FANCI: variants seen among roughly 807,000 people sequenced by gnomAD.
The protein encoded by FANCI is FA complementation group I.
A neutral mutation model predicts 176.1 loss-of-function variants in FANCI; 156 were observed. That is an observed-to-expected ratio of 0.89 (90% confidence interval 0.78 to 1.01). FANCI has a LOEUF of 1.01. Among genes scored for constraint, FANCI ranks in the 50% least tolerant of loss-of-function variants. The probability of loss-of-function intolerance (pLI) is 0.00; values close to 1 mark genes in which losing one functional copy is unlikely to be tolerated. For synonymous variants in FANCI, 613 were observed against 541.7 expected, an observed-to-expected ratio of 1.13 and a Z score of -1.83; for missense variants, 1,678 against 1,534.1, an observed-to-expected ratio of 1.09 and a Z score of -1.57.
intron 2 of FANCI, among the ~76,000 whole-genome samples, chr15:89,253,682 A>C (rs1015845282): frequency 1.3e-5 from 2 of 151,658 alleles, no homozygotes; most frequent in African/African-American, 2.4e-5. Flanking sequence ...TTGTGTGGCC[A>C]GAAATACCAT....
intron 24 of FANCI, among the ~76,000 whole-genome samples, chr15:89,299,314 A>C (rs1223159733): frequency 6.6e-6 from 1 of 152,232 alleles, no homozygotes; most frequent in Non-Finnish European, 1.5e-5. Flanking sequence ...AAATTCATCC[A>C]AACATTTAAG....
chr15:89,256,652 C>G (rs1438271529), intron 2 of FANCI, among the ~76,000 whole-genome samples: 1 of 152,128 alleles, frequency 6.6e-6, no homozygotes, highest in African/African-American at 2.4e-5. Flanking sequence ...TCATCTGTTT[C>G]CATTGATGCT....
At chr15:89,281,423 T>C (rs1379424909) in intron 15 of FANCI, 123 bp downstream of exon 15, 74 of 1,281,596 alleles carry the variant, frequency 5.8e-5, no homozygotes, top group Non-Finnish European at 3.6e-5. Context: ...GTCTGAAACA[T>C]AAAATTTGCA....
intron 32 of FANCI, 45 bp from the exon 33 acceptor site, chr15:89,307,431 G>GT: frequency 6.3e-7 from 1 of 1,581,104 alleles, no homozygotes; most frequent in Non-Finnish European, 8.7e-7. Context: ...GTCACTTGTA[G>GT]TTTCATAGGA....
Position 89,307,643 on chromosome 15 carries a change from CTG to C in FANCI, c.3626_3627del (p.Cys1209LeufsTer10), listed in dbSNP as rs770318990. On this transcript the variant is annotated frameshift_variant, in exon 34 of 38. Transcript: ENST00000310775. LOFTEE classifies it high-confidence loss of function. Reference protein sequence around the residue: ...VKLSGSHLTPLCYSFISYVQN... With the variant: ...VKLSGSHLTPXCYSFISYVQN... ...GCTGTCTGGTTCTCATCTGACCCCC[CTG>C]TGTTATTCTTTCATTTCTTACGTAC... The C allele has an allele frequency of 2.5e-6, 4 of 1,613,980 alleles. No homozygotes were observed. In the African/African-American group the frequency reaches 4.0e-5, roughly 16 times the overall value.
intron 34 of FANCI, among the ~76,000 whole-genome samples, chr15:89,309,910 T>G (rs549443884): frequency 6.6e-6 from 1 of 152,362 alleles, no homozygotes; most frequent in South Asian, 2.1e-4. Flanking sequence ...AGTCACATTG[T>G]CTAATAATTT....
intron 22 of FANCI, 74 bp from the exon 23 acceptor site, chr15:89,293,759 T>C: frequency 3.0e-6 from 4 of 1,355,240 alleles, no homozygotes; most frequent in Non-Finnish European, 4.2e-6. Context: ...AGCATTGTGA[T>C]TATTATCATA....
At chr15:89,245,358 T>G (rs2051914342) in intron 1 of FANCI, 8 of 126,708 alleles carry the variant, frequency 6.3e-5, no homozygotes, top group African/African-American at 2.7e-4. Context: ...TTTTTTTTTT[T>G]TTTTTTTTTT....
chr15:89,273,581 C>A (rs2053290214), intron 11 of FANCI, 112 bp downstream of exon 11: 2 of 699,042 alleles, frequency 2.9e-6, no homozygotes, highest in Non-Finnish European at 5.1e-6. Flanking sequence ...ACAATTTTAT[C>A]CCCTTCCTGC....
At chr15:89,282,092 G>A (rs757919411) in intron 16 of FANCI, 40 of 452,540 alleles carry the variant, frequency 8.8e-5, no homozygotes, top group Non-Finnish European at 1.5e-4. Flanking sequence ...TAGAGAAGAT[G>A]AGTGACTTTC....
intron 12 of FANCI, among the ~76,000 whole-genome samples, chr15:89,276,484 T>C (rs2053416347): frequency 6.6e-6 from 1 of 152,212 alleles, no homozygotes; most frequent in Non-Finnish European, 1.5e-5. Flanking sequence ...CTTCTGGATT[T>C]TCCCAGTATT....
chr15:89,314,164 T>C (rs2055100263), intron 35 of FANCI, among the ~76,000 whole-genome samples: 1 of 135,278 alleles, frequency 7.4e-6, no homozygotes, highest in African/African-American at 3.0e-5. Context: ...TGTAGGACCT[T>C]TCGTTAGGGG....
chr15:89,279,402 C>A (rs2053530603), intron 14 of FANCI, among the ~76,000 whole-genome samples: 1 of 152,210 alleles, frequency 6.6e-6, no homozygotes, highest in East Asian at 1.9e-4. Flanking sequence ...AGGTGATCCA[C>A]CCACCTTAGC....
At position 89,266,393 on chromosome 15, in the gene FANCI, A is replaced by T. The variant is rs531893052; in HGVS notation, c.755+1786A>T. Among the ~76,000 whole-genome samples, 7 of 144,554 alleles carry T rather than the reference A, an allele frequency of 4.8e-5. No homozygotes were observed. The Admixed American group carries it at 4.9e-4, about 10-fold the overall frequency. The allele number at this position is 144,554 out of a possible 152,430, so 94.8% of individuals were successfully genotyped here. A position where few individuals can be genotyped will look rare whatever the true frequency, so the allele number is the denominator to read the frequency against. The stretch of plus-strand genomic sequence containing the variant: ...GCCCAGGCTGGAGTACATTGGCATG[A>T]TGTCAGGTCACTGCAAACTCTGCCT... On this transcript the variant is annotated intron_variant, in intron 9 of 37. Coordinates refer to ENST00000310775, the MANE Select transcript of FANCI (RefSeq NM_001113378.2).
intron 4 of FANCI, 152 bp from the exon 5 acceptor site, chr15:89,261,433 C>T (rs2052708210): frequency 1.3e-5 from 12 of 948,046 alleles, no homozygotes; most frequent in Middle Eastern, 3.2e-4. Flanking sequence ...AACTACGTAC[C>T]AGACAGAGCA....
rs189434511 is a variant in FANCI, at chr15:89,311,879, A to G, written c.3652-1025A>G. ...GGTAAAAAGCTGCCTACATTTCTGTACCGTACCTTACATTTGGGTGGTTTT... is the reference window on the plus strand; with the variant it reads ...GGTAAAAAGCTGCCTACATTTCTGTGCCGTACCTTACATTTGGGTGGTTTT... On this transcript the variant is annotated intron_variant, in intron 34 of 37. Coordinates refer to ENST00000310775, the MANE Select transcript of FANCI (RefSeq NM_001113378.2). 4.6e-5 allele frequency among the ~76,000 whole-genome samples: 7 copies of G among 152,280 alleles called. No homozygotes were observed. The East Asian group carries it at 1.2e-3, about 25-fold the overall frequency.
At chr15:89,302,218 G>C (rs961975016) in intron 27 of FANCI, among the ~76,000 whole-genome samples, 1 of 152,148 alleles carries the variant, frequency 6.6e-6, no homozygotes, top group South Asian at 2.1e-4. Context: ...CTGTAGCCTG[G>C]GAGTATGAAG....
chr15:89,292,679 C>A lies in FANCI; in HGVS notation c.1993-9C>A. On this transcript the variant is annotated splice_polypyrimidine_tract_variant and intron_variant, in intron 20 of 37. Coordinates refer to ENST00000310775, the MANE Select transcript of FANCI (RefSeq NM_001113378.2). ...CAAGAGTATTTAATTTACTTATTTT[C>A]TCCTACAGGATTATCTGCTGTGTTG... is the stretch of plus-strand genomic sequence containing the variant. 1.2e-6 allele frequency: 2 copies of A among 1,612,580 alleles called. No individual in the cohort carries two copies. The highest frequency in any genetic ancestry group is 2.2e-5 in the South Asian group (2 of 91,030).
At chr15:89,309,952 A>G (rs1240170271) in intron 34 of FANCI, among the ~76,000 whole-genome samples, 1 of 152,212 alleles carries the variant, frequency 6.6e-6, no homozygotes, top group Non-Finnish European at 1.5e-5. Flanking sequence ...GAGAACCTCT[A>G]CCTTGTGTCT....
Sources: gnomAD v4.1 joint callset for allele counts (sites outside exome capture counted in the v4.1 genomes callset) on GRCh38, gnomAD v4.1.1 for gene constraint, MANE v1.5 for transcripts, NCBI Gene and HGNC (gene_info 2026-07-23, HGNC 2026-07-21) for gene names.